The following XPR1 variants were observed in gnomAD, a reference collection of about 807,000 sequenced individuals.
The protein encoded by XPR1 is solute carrier family 53 member 1.
XPR1 carries 28 observed loss-of-function variants against 87.5 expected under a neutral mutation model. The observed-to-expected ratio is 0.32, with a 90% CI of 0.24 to 0.44. The LOEUF (loss-of-function observed/expected upper bound fraction) is 0.44. XPR1 is among the 20% of genes least tolerant of loss of function. The pLI is 1.00. For missense variants in XPR1, 559 were observed against 862.3 expected (o/e 0.65, Z 4.41); for synonymous variants, 300 against 306.1 (o/e 0.98, Z 0.21).
intron 9 of XPR1, among the ~76,000 whole-genome samples, chr1:180,833,696 T>A (rs1651160502): frequency 1.3e-5 from 2 of 152,178 alleles, no homozygotes; most frequent in Non-Finnish European, 2.9e-5. Flanking sequence ...AGCTAAACAA[T>A]TCTTCAGGCG....
intron 2 of XPR1, among the ~76,000 whole-genome samples, chr1:180,710,349 C>A (rs1262685055): frequency 6.6e-6 from 1 of 151,994 alleles, no homozygotes; most frequent in Non-Finnish European, 1.5e-5. Flanking sequence ...GACCCTGGGG[C>A]CTTCTGCAGT....
chr1:180,757,506 CTT>C (rs35380232), intron 2 of XPR1, among the ~76,000 whole-genome samples: 5,914 of 134,404 alleles, frequency 0.044, 431 homozygotes, highest in African/African-American at 0.15. Flanking sequence ...GTTACTAGGC[CTT>C]TTTTTTTTTT....
At chr1:180,686,284 T>G (rs1333121421) in intron 2 of XPR1, among the ~76,000 whole-genome samples, 2 of 152,176 alleles carry the variant, frequency 1.3e-5, no homozygotes, top group Non-Finnish European at 2.9e-5. Flanking sequence ...AGTTTCCATG[T>G]AGTTGAGCGG....
chr1:180,770,873 A>G (rs1327364471), intron 2 of XPR1, among the ~76,000 whole-genome samples: 4 of 151,198 alleles, frequency 2.6e-5, no homozygotes, highest in Non-Finnish European at 4.4e-5. Context: ...CTTGCTCTCA[A>G]CTCCCGCTTA....
intron 11 of XPR1, among the ~76,000 whole-genome samples, chr1:180,845,361 C>T (rs1236849793): frequency 6.6e-6 from 1 of 152,164 alleles, no homozygotes; most frequent in Non-Finnish European, 1.5e-5. Context: ...ATCTTTGTAA[C>T]ATTATATAGT....
chr1:180,791,817 A>C (rs1649403026), intron 3 of XPR1, among the ~76,000 whole-genome samples: 2 of 152,122 alleles, frequency 1.3e-5, no homozygotes, highest in Admixed American at 1.3e-4. Context: ...TTATGACCTC[A>C]TATTGGGTTG....
intron 1 of XPR1, among the ~76,000 whole-genome samples, chr1:180,658,453 G>C (rs987096139): frequency 6.6e-6 from 1 of 152,128 alleles, no homozygotes; most frequent in Admixed American, 6.6e-5. Flanking sequence ...TTGTGTTGAG[G>C]TATGCTTCTT....
intron 11 of XPR1, among the ~76,000 whole-genome samples, chr1:180,860,085 ATATG>A (rs1652167560): frequency 6.6e-6 from 1 of 152,118 alleles, no homozygotes; most frequent in African/African-American, 2.4e-5. Flanking sequence ...AAAGATACAC[ATATG>A]ACAATTAAAC....
chr1:180,685,928 C>A (rs1449713006), intron 2 of XPR1, among the ~76,000 whole-genome samples: 1 of 151,950 alleles, frequency 6.6e-6, no homozygotes, highest in Non-Finnish European at 1.5e-5. Context: ...TTGATCTTTT[C>A]AAAAAACCAG....
chr1:180,822,345 C>T (rs896208973), intron 7 of XPR1, among the ~76,000 whole-genome samples: 2 of 152,220 alleles, frequency 1.3e-5, no homozygotes, highest in Non-Finnish European at 2.9e-5. Flanking sequence ...TTCCCCCAAA[C>T]ATCCCAATGC....
At chr1:180,838,158 A>G (rs1651371973) in intron 11 of XPR1, among the ~76,000 whole-genome samples, 1 of 152,212 alleles carries the variant, frequency 6.6e-6, no homozygotes. Context: ...CATGTGTATT[A>G]TATATACTGT....
chr1:180,863,322 C>T (rs10914120), intron 11 of XPR1, among the ~76,000 whole-genome samples: 6,549 of 152,124 alleles, frequency 0.043, 502 homozygotes, highest in African/African-American at 0.15. Flanking sequence ...AATGCACATT[C>T]CTTGTTAGTA....
At chr1:180,819,581 T>C (rs887468056) in intron 7 of XPR1, among the ~76,000 whole-genome samples, 3 of 152,222 alleles carry the variant, frequency 2.0e-5, no homozygotes, top group Admixed American at 6.5e-5. Context: ...AGAATACTAC[T>C]GTTGCTAGGG....
chr1:180,732,214 GTAAAA>G (rs1468436307), intron 2 of XPR1, among the ~76,000 whole-genome samples: 4 of 144,844 alleles, frequency 2.8e-5, no homozygotes, highest in African/African-American at 5.3e-5. Context: ...AAAAAAAGAA[GTAAAA>G]TAAAATGCTT....
intron 2 of XPR1, among the ~76,000 whole-genome samples, chr1:180,743,224 TGGG>T (rs1553243627): frequency 6.7e-6 from 1 of 149,388 alleles, no homozygotes; most frequent in African/African-American, 2.5e-5. Context: ...CTTTTTTTTT[TGGG>T]GGGGGAGTAT....
In XPR1 at chr1:180,822,715, T is replaced by G. The variant is rs139249817; in HGVS notation, c.764-2038T>G. On this transcript the variant is annotated intron_variant, in intron 7 of 14. Transcript: ENST00000367590. ...GGCATTTGATATATGTTGTTCACAT[T>G]TAATCTTCTTAATAAACTTATGAGA... is the stretch of plus-strand genomic sequence containing the variant. Among the ~76,000 whole-genome samples the G allele has an allele frequency of 4.1e-4, 62 of 152,316 alleles. No homozygotes were observed. The East Asian group carries it at 0.01, about 26-fold the overall frequency.
At chr1:180,845,829 T>G (rs1340927867) in intron 11 of XPR1, among the ~76,000 whole-genome samples, 1 of 152,210 alleles carries the variant, frequency 6.6e-6, no homozygotes, top group Non-Finnish European at 1.5e-5. Context: ...GAAAATAATT[T>G]CTCTCTGCCA....
intron 11 of XPR1, among the ~76,000 whole-genome samples, chr1:180,837,886 A>G (rs1046686090): frequency 8.5e-5 from 13 of 152,200 alleles, no homozygotes; most frequent in African/African-American, 1.2e-4. Context: ...TTATGACTCC[A>G]TTTACTAAGT....
intron 11 of XPR1, among the ~76,000 whole-genome samples, chr1:180,851,151 G>T (rs1033458140): frequency 6.6e-6 from 1 of 152,068 alleles, no homozygotes; most frequent in Admixed American, 6.6e-5. Flanking sequence ...AGCAGAAATA[G>T]ATATTTTTTA....
Sources: allele counts gnomAD v4.1 joint callset (sites outside exome capture counted in the v4.1 genomes callset), GRCh38; gene constraint gnomAD v4.1.1; transcripts MANE v1.5; gene names NCBI Gene and HGNC (gene_info 2026-07-23, HGNC 2026-07-21).